Variants in GRIA1 observed in about 807,000 individuals in gnomAD.
The protein encoded by GRIA1 is glutamate ionotropic receptor AMPA type subunit 1, also known as glutamate receptor 1.
A neutral mutation model predicts 99.2 loss-of-function variants in GRIA1; 31 were observed. The observed-to-expected ratio is 0.31, with a 90% confidence interval of 0.23 to 0.42. The LOEUF is 0.42. Ranked by LOEUF, GRIA1 falls within the 10% of genes least tolerant of loss-of-function variation. The pLI is 1.00. For synonymous variants in GRIA1, 438 were observed against 432.4 expected (o/e 1.01, Z -0.16); for missense variants, 782 against 1,157.5 (o/e 0.68, Z 4.71).
In GRIA1 at chr5:153,770,374, CA is replaced by C; in HGVS notation, c.2232del (p.Gly745AlafsTer12). The C allele has an allele frequency of 6.2e-7, 1 of 1,613,894 alleles. No homozygotes were observed. Among genetic ancestry groups the C allele is most frequent in the Non-Finnish European group, 8.5e-7 (1 of 1,179,860 alleles). ...TMKVGGNLDS[K>X]GYGIATPKGS... ...TGAAGGTGGGAGGTAACTTGGATTC[CA>C]AAGGCTATGGCATTGCAACACCCAA... is the stretch of plus-strand genomic sequence containing the variant. On this transcript the variant is annotated frameshift_variant, in exon 13 of 16. Coordinates refer to ENST00000285900, the MANE Select transcript of GRIA1 (RefSeq NM_000827.4). LOFTEE classifies it high-confidence loss of function.
intron 2 of GRIA1, among the ~76,000 whole-genome samples, chr5:153,600,165 G>A (rs1268272465): frequency 6.6e-6 from 1 of 152,070 alleles, no homozygotes; most frequent in Non-Finnish European, 1.5e-5. Flanking sequence ...GCCGAGGCGG[G>A]TGGATCGCGA....
rs56261295 is a variant in GRIA1 at position 153,642,637 on chromosome 5, GAA to G, written c.221-4278_221-4277del. Among the ~76,000 whole-genome samples the G allele has an allele frequency of 5.6e-3, 744 of 132,248 alleles. 5 individuals are homozygous for G. Among genetic ancestry groups the G allele is most frequent in the African/African-American group, 0.019 (681 of 35,072 alleles). The allele number at this position is 132,248 out of a possible 152,430, so 86.8% of individuals were successfully genotyped here. ...GGTGACGGAGCCAGACCCTGTTTCA[GAA>G]AAAAAAAAAAAACAAAGAAGAAGAA... is the stretch of plus-strand genomic sequence containing the variant. On this transcript the variant is annotated intron_variant, in intron 2 of 15. Coordinates refer to ENST00000285900, the MANE Select transcript of GRIA1 (RefSeq NM_000827.4).
At chr5:153,756,743 G>T (rs1762859023) in intron 11 of GRIA1, among the ~76,000 whole-genome samples, 1 of 152,062 alleles carries the variant, frequency 6.6e-6, no homozygotes, top group South Asian at 2.1e-4. Flanking sequence ...ACCCTCTAGT[G>T]TTGAAATAGC....
intron 11 of GRIA1, among the ~76,000 whole-genome samples, chr5:153,747,328 A>G (rs764015758): frequency 2.0e-5 from 3 of 152,168 alleles, no homozygotes; most frequent in Non-Finnish European, 4.4e-5. Context: ...TGATGGAGCA[A>G]GAACTCACTC....
intron 11 of GRIA1, among the ~76,000 whole-genome samples, chr5:153,732,086 G>C (rs1272632720): frequency 6.6e-6 from 1 of 151,752 alleles, no homozygotes; most frequent in African/African-American, 2.4e-5. Context: ...TCTTTTTTAA[G>C]GCTGAATATA....
chr5:153,582,487 C>T (rs367857036), intron 2 of GRIA1, among the ~76,000 whole-genome samples: 19 of 152,118 alleles, frequency 1.2e-4, no homozygotes, highest in East Asian at 1.2e-3. Context: ...GAATGTGGAG[C>T]GAGCCTAAAA....
At chr5:153,721,459 A>C (rs371132693) in intron 11 of GRIA1, among the ~76,000 whole-genome samples, 93 of 152,332 alleles carry the variant, frequency 6.1e-4, no homozygotes, top group Non-Finnish European at 5.7e-4. Context: ...TGTAATCAGC[A>C]CTCAAATTAA....
At chr5:153,633,259 C>T (rs929141059) in intron 2 of GRIA1, among the ~76,000 whole-genome samples, 1 of 152,192 alleles carries the variant, frequency 6.6e-6, no homozygotes, top group African/African-American at 2.4e-5. Flanking sequence ...CTCCCTTCTT[C>T]CTTGCTTACT....
At chr5:153,804,100 C>A (rs1766245443) in intron 15 of GRIA1, among the ~76,000 whole-genome samples, 1 of 152,136 alleles carries the variant, frequency 6.6e-6, no homozygotes, top group Admixed American at 6.5e-5. Context: ...CTCACCCTGT[C>A]TTCTGTTTCA....
chr5:153,494,926 A>T (rs2113196820), intron 2 of GRIA1, among the ~76,000 whole-genome samples: 1 of 152,278 alleles, frequency 6.6e-6, no homozygotes, highest in South Asian at 2.1e-4. Context: ...ACTGGATTGA[A>T]TTGGCACGAT....
At chr5:153,528,109 T>G (rs1348774725) in intron 2 of GRIA1, among the ~76,000 whole-genome samples, 1 of 152,136 alleles carries the variant, frequency 6.6e-6, no homozygotes, top group Non-Finnish European at 1.5e-5. Flanking sequence ...TGTATGTTAT[T>G]ATTGAATATT....
chr5:153,660,135 T>C (rs1331869153), intron 5 of GRIA1, among the ~76,000 whole-genome samples: 2 of 152,196 alleles, frequency 1.3e-5, no homozygotes, highest in African/African-American at 4.8e-5. Flanking sequence ...GGAGTTTGGC[T>C]GTCAGGAATA....
At chr5:153,807,208 C>T (rs757751162) in intron 15 of GRIA1, among the ~76,000 whole-genome samples, 16 of 152,190 alleles carry the variant, frequency 1.1e-4, no homozygotes, top group Non-Finnish European at 2.2e-4. Flanking sequence ...TGGGAAGGCA[C>T]CCTACAGGCA....
At chr5:153,590,186 C>T (rs981518280) in intron 2 of GRIA1, among the ~76,000 whole-genome samples, 1 of 151,940 alleles carries the variant, frequency 6.6e-6, no homozygotes, top group African/African-American at 2.4e-5. Context: ...TTCAGAAGAA[C>T]AGTTTCCTTC....
intron 2 of GRIA1, among the ~76,000 whole-genome samples, chr5:153,587,020 T>G (rs1001273190): frequency 2.6e-5 from 4 of 152,174 alleles, no homozygotes. Flanking sequence ...TGCTTCTGAT[T>G]CTTTGCCTCC....
intron 2 of GRIA1, among the ~76,000 whole-genome samples, chr5:153,542,242 C>G (rs1255312144): frequency 6.6e-6 from 1 of 152,150 alleles, no homozygotes; most frequent in Non-Finnish European, 1.5e-5. Flanking sequence ...AACTCATTGT[C>G]TATAACACCA....
chr5:153,665,238 A>G (rs1755660548), intron 5 of GRIA1, among the ~76,000 whole-genome samples: 1 of 152,228 alleles, frequency 6.6e-6, no homozygotes, highest in Non-Finnish European at 1.5e-5. Flanking sequence ...GCTAAGAGAA[A>G]TTAGTTTGTG....
intron 13 of GRIA1, among the ~76,000 whole-genome samples, chr5:153,779,976 A>G (rs1764528146): frequency 6.6e-6 from 1 of 152,170 alleles, no homozygotes; most frequent in Non-Finnish European, 1.5e-5. Flanking sequence ...CTGGGAAGAT[A>G]AATAAGGGAA....
At chr5:153,600,484 T>C (rs556641896) in intron 2 of GRIA1, among the ~76,000 whole-genome samples, 3 of 151,792 alleles carry the variant, frequency 2.0e-5, no homozygotes, top group East Asian at 3.9e-4. Flanking sequence ...CCAGAATTTA[T>C]TTAGGAAAGA....
Sources: allele counts gnomAD v4.1 joint callset (sites outside exome capture counted in the v4.1 genomes callset), GRCh38; gene constraint gnomAD v4.1.1; transcripts MANE v1.5; gene names NCBI Gene and HGNC (gene_info 2026-07-23, HGNC 2026-07-21).